TRMT44: variants seen among roughly 807,000 people sequenced by gnomAD.
TRMT44 encodes tRNA methyltransferase 44 homolog, also known as probable tRNA (uracil-O(2)-)-methyltransferase.
A neutral mutation model predicts 77.3 loss-of-function variants in TRMT44; 78 were observed. That is an observed-to-expected ratio of 1.01 (90% CI 0.84 to 1.22). The LOEUF (loss-of-function observed/expected upper bound fraction) is 1.22. Among genes scored for constraint, TRMT44 ranks in the 50% most tolerant of loss-of-function variants. TRMT44 has a pLI of 0.00. For missense variants in TRMT44, 1,090 were observed against 964.4 expected, an observed-to-expected ratio of 1.13 and a Z score of -1.73; for synonymous variants, 391 against 383.3, an observed-to-expected ratio of 1.02 and a Z score of -0.23.
intron 1 of TRMT44, among the ~76,000 whole-genome samples, chr4:8,441,688 A>T (rs1724714675): frequency 6.6e-6 from 1 of 152,202 alleles, no homozygotes; most frequent in South Asian, 2.1e-4. Flanking sequence ...GATATTGCGT[A>T]ATACCTAGGA....
At chr4:8,475,662 C>T in intron 10 of TRMT44, 110 bp from the exon 11 acceptor site, 1 of 978,170 alleles carries the variant, frequency 1.0e-6, no homozygotes, top group Non-Finnish European at 1.6e-6. Flanking sequence ...CCGGTTGTAT[C>T]CCTGACCCTG....
In TRMT44 at chr4:8,486,192, T is replaced by C. The variant is rs369561086; in HGVS notation, n.3891+6659T>C. On this transcript the variant is annotated intron_variant and non_coding_transcript_variant, in intron 2 of 2. Coordinates refer to the TRMT44 transcript ENST00000511366. Reference sequence around the variant, plus strand: ...GATGGGACACAGCTTAGGGGGAATCTCGGGCTGCGGGCATTCCTTGGCCTG... The same window carrying C: ...GATGGGACACAGCTTAGGGGGAATCCCGGGCTGCGGGCATTCCTTGGCCTG... 1.1e-4 allele frequency among the ~76,000 whole-genome samples: 16 copies of C among 152,290 alleles called. No individual in the cohort carries two copies. The East Asian group carries it at 2.9e-3, about 28-fold the overall frequency.
At chr4:8,457,253 A>T (rs1011580884) in intron 6 of TRMT44, among the ~76,000 whole-genome samples, 1 of 152,188 alleles carries the variant, frequency 6.6e-6, no homozygotes, top group Non-Finnish European at 1.5e-5. Context: ...TTATCTGTAA[A>T]GCTGCTAAGC....
intron 2 of TRMT44, among the ~76,000 whole-genome samples, chr4:8,492,242 G>C (rs1226591876): frequency 6.6e-6 from 1 of 152,142 alleles, no homozygotes; most frequent in Non-Finnish European, 1.5e-5. Context: ...TTAACATTAT[G>C]TAATGCATAA....
chr4:8,456,613 G>T (rs1436603170), intron 6 of TRMT44, among the ~76,000 whole-genome samples: 1 of 151,806 alleles, frequency 6.6e-6, no homozygotes, highest in Admixed American at 6.6e-5. Flanking sequence ...CAGCAGGCGG[G>T]TGTATTCATC....
At chr4:8,498,949 G>A in the TRMT44 span, among the ~76,000 whole-genome samples, 1 of 152,138 alleles carries the variant, frequency 6.6e-6, no homozygotes. This position sits in a 1 kb window ranked among gnomAD's most constrained non-coding sequence, Gnocchi z 4.3. Context: ...GTACCCTTGA[G>A]CTGGAGCTTG....
In TRMT44 at chr4:8,451,904, G is replaced by A. The variant is rs1202417127; in HGVS notation, c.955-56G>A. The stretch of plus-strand genomic sequence containing the variant: ...GCTTTATAGGGATACTTAAAGTATT[G>A]GGAAATGGTGGTGGGGAAACCGAAC... On this transcript the variant is annotated intron_variant, in intron 3 of 10. Transcript: ENST00000389737. The surrounding 1 kb of genome is among the most constrained non-coding windows in gnomAD (Gnocchi z 4.1). 6.9e-7 allele frequency: 1 copy of A among 1,446,398 alleles called. No individual in the cohort carries two copies. The highest frequency in any genetic ancestry group is 1.4e-5 in the African/African-American group (1 of 71,256). The allele number at this position is 1,446,398 out of a possible 1,614,324, so 89.6% of individuals were successfully genotyped here.
In TRMT44 at chr4:8,475,093, G is replaced by A. The variant is rs1005707142; in HGVS notation, c.2045-679G>A. ...CTCTGTTACTCCACACTTGCACCTG[G>A]AGGGGCTCCGGTTGGGAGGCGCATG... On this transcript the variant is annotated intron_variant, in intron 10 of 10. Coordinates refer to ENST00000389737, the MANE Select transcript of TRMT44 (RefSeq NM_152544.3). 2.0e-5 allele frequency among the ~76,000 whole-genome samples: 3 copies of A among 152,272 alleles called. No individual in the cohort carries two copies. The South Asian group carries it at 6.2e-4, about 32-fold the overall frequency.
the TRMT44 span, among the ~76,000 whole-genome samples, chr4:8,513,846 C>T: frequency 6.6e-6 from 1 of 152,194 alleles, no homozygotes; most frequent in South Asian, 2.1e-4. Context: ...CACTACACAC[C>T]CACCAGGGTG....
At chr4:8,514,936 G>A in the TRMT44 span, among the ~76,000 whole-genome samples, 1 of 152,164 alleles carries the variant, frequency 6.6e-6, no homozygotes, top group Non-Finnish European at 1.5e-5. Context: ...CGTGCACTGG[G>A]CACTTGGCGG....
chr4:8,490,905 G>C (rs138949920), intron 2 of TRMT44, among the ~76,000 whole-genome samples: 3,422 of 152,136 alleles, frequency 0.022, 70 homozygotes, highest in African/African-American at 0.053. Context: ...GGTTCTCCAC[G>C]TCCCCATCAG....
the TRMT44 span, among the ~76,000 whole-genome samples, chr4:8,504,903 G>A: frequency 3.0e-4 from 45 of 152,280 alleles, no homozygotes; most frequent in African/African-American, 8.9e-4. This position sits in a 1 kb window ranked among gnomAD's most constrained non-coding sequence, Gnocchi z 5.3. Flanking sequence ...CAGGGTACCT[G>A]TTGCTGTATC....
chr4:8,443,826 G>A (rs151298115), intron 1 of TRMT44, among the ~76,000 whole-genome samples: 2,634 of 152,204 alleles, frequency 0.017, 62 homozygotes, highest in African/African-American at 0.059. Context: ...CAGGCGTAGT[G>A]GCAGGTGCCT....
downstream of TRMT44, among the ~76,000 whole-genome samples, chr4:8,497,489 C>CA (rs1251445875): frequency 6.6e-6 from 1 of 152,064 alleles, no homozygotes; most frequent in Non-Finnish European, 1.5e-5. Context: ...ACTAAAAATA[C>CA]AAAAAATTAG....
the TRMT44 span, among the ~76,000 whole-genome samples, chr4:8,504,470 G>T: frequency 6.6e-6 from 1 of 152,068 alleles, no homozygotes; most frequent in Non-Finnish European, 1.5e-5. This position sits in a 1 kb window ranked among gnomAD's most constrained non-coding sequence, Gnocchi z 5.3. Context: ...CCCACTCATT[G>T]TGTCCAGACC....
At chr4:8,472,805 C>T (rs932514930) in intron 10 of TRMT44, among the ~76,000 whole-genome samples, 4 of 152,158 alleles carry the variant, frequency 2.6e-5, no homozygotes, top group African/African-American at 9.7e-5. Context: ...CTGGGCTGGG[C>T]CTGCTGCCTG....
At chr4:8,504,760 T>A in the TRMT44 span, among the ~76,000 whole-genome samples, 1 of 152,152 alleles carries the variant, frequency 6.6e-6, no homozygotes, top group Non-Finnish European at 1.5e-5. This position sits in a 1 kb window ranked among gnomAD's most constrained non-coding sequence, Gnocchi z 5.3. Context: ...CCAGGCACCC[T>A]GGCTGCACCT....
At chr4:8,515,757 A>T in the TRMT44 span, among the ~76,000 whole-genome samples, 1 of 152,196 alleles carries the variant, frequency 6.6e-6, no homozygotes, top group Non-Finnish European at 1.5e-5. Flanking sequence ...GTTCACTCCC[A>T]GTGCCCTCAG....
At chr4:8,464,153 T>A in intron 7 of TRMT44, 62 bp downstream of exon 7, 1 of 1,396,914 alleles carries the variant, frequency 7.2e-7, no homozygotes. Flanking sequence ...TAAACAGTGG[T>A]GTCCAAAAGG....
Sources: allele counts gnomAD v4.1 joint callset (sites outside exome capture counted in the v4.1 genomes callset), GRCh38; gene constraint gnomAD v4.1.1; non-coding constraint Gnocchi (gnomAD v3.1); transcripts MANE v1.5; gene names NCBI Gene and HGNC (gene_info 2026-07-23, HGNC 2026-07-21).